PP2D1: variants seen among roughly 807,000 people sequenced by gnomAD.
PP2D1 encodes the protein protein phosphatase 2C-like domain-containing protein 1.
A neutral mutation model predicts 30.2 loss-of-function variants in PP2D1; 25 were observed. The ratio of observed to expected loss-of-function variants is 0.83; its 90% confidence interval spans 0.60 to 1.16. The LOEUF (loss-of-function observed/expected upper bound fraction) is 1.16. Among genes scored for constraint, PP2D1 ranks in the 50% most tolerant of loss-of-function variants. PP2D1 has a pLI of 0.00. For synonymous variants in PP2D1, 260 were observed against 258.9 expected, an observed-to-expected ratio of 1.00 and a Z score of -0.04; for missense variants, 760 against 742.4, an observed-to-expected ratio of 1.02 and a Z score of -0.28.
intron 1 of PP2D1, 60 bp from the exon 2 acceptor site, chr3:20,002,156 C>A: frequency 9.1e-7 from 1 of 1,101,078 alleles, no homozygotes; most frequent in Non-Finnish European, 1.3e-6. Flanking sequence ...TCTCTTCAAG[C>A]AGGCTGTTAT....
intron 1 of PP2D1, among the ~76,000 whole-genome samples, chr3:20,009,120 A>G (rs1282479465): frequency 6.6e-6 from 1 of 152,164 alleles, no homozygotes; most frequent in African/African-American, 2.4e-5. Context: ...TGTTGTGGTA[A>G]GTTGTTTATA....
At chr3:19,992,318 T>G (rs1413292474) in intron 2 of PP2D1, among the ~76,000 whole-genome samples, 1 of 152,024 alleles carries the variant, frequency 6.6e-6, no homozygotes, top group African/African-American at 2.4e-5. Flanking sequence ...CAGAATCAGG[T>G]TTGTAAGCAT....
chr3:19,981,370 G>A (rs1696923737), downstream of PP2D1, among the ~76,000 whole-genome samples: 1 of 152,114 alleles, frequency 6.6e-6, no homozygotes, highest in South Asian at 2.1e-4. Flanking sequence ...AGCACTTTGG[G>A]AGGCCAAGGC....
intron 1 of PP2D1, among the ~76,000 whole-genome samples, chr3:20,009,067 A>C (rs1379980358): frequency 6.6e-6 from 1 of 152,374 alleles, no homozygotes. Flanking sequence ...GGATTGTTTT[A>C]ACGACCTGTA....
chr3:19,989,558 G>A (rs866819645), intron 2 of PP2D1, among the ~76,000 whole-genome samples: 1 of 152,098 alleles, frequency 6.6e-6, no homozygotes, highest in African/African-American at 2.4e-5. Flanking sequence ...TTGATTATTC[G>A]ACTTAGATTT....
At chr3:20,002,467 A>G (rs780929289) in intron 1 of PP2D1, among the ~76,000 whole-genome samples, 2 of 152,232 alleles carry the variant, frequency 1.3e-5, no homozygotes, top group East Asian at 3.8e-4. Context: ...ATGATGGACC[A>G]TATGCAACGG....
chr3:20,010,929 A>C (rs745775329), intron 1 of PP2D1, among the ~76,000 whole-genome samples: 3 of 152,212 alleles, frequency 2.0e-5, no homozygotes, highest in Non-Finnish European at 4.4e-5. Context: ...TATGAGGGAA[A>C]AAGTTTGCAG....
At position 20,008,549 on chromosome 3, in the gene PP2D1, A is replaced by T. The variant is rs138913365; in HGVS notation, c.23+3501T>A. On this transcript the variant is annotated intron_variant, in intron 1 of 2. Coordinates refer to ENST00000389050, the MANE Select transcript of PP2D1 (RefSeq NM_001252657.2). ...GCCATTGCACTCCAGCCCGGGCAAC[A>T]AGAGTGAAACTCTGTCTCAAAACAA... Among the ~76,000 whole-genome samples the T allele has an allele frequency of 6.5e-4, 99 of 152,212 alleles. 1 individual carries two copies. In the East Asian group the frequency reaches 0.018, roughly 27 times the overall value.
At chr3:20,004,393 G>A (rs890622433) in intron 1 of PP2D1, among the ~76,000 whole-genome samples, 9 of 152,164 alleles carry the variant, frequency 5.9e-5, no homozygotes, top group Non-Finnish European at 1.2e-4. Context: ...TTCTCAGAAA[G>A]TATCCCCATC....
chr3:20,004,793 A>T (rs913946121), intron 1 of PP2D1, among the ~76,000 whole-genome samples: 2 of 152,170 alleles, frequency 1.3e-5, no homozygotes, highest in Non-Finnish European at 2.9e-5. Flanking sequence ...TTTGGTTACA[A>T]AATATTTTAA....
chr3:19,991,699 A>C (rs2125139514), intron 2 of PP2D1, among the ~76,000 whole-genome samples: 1 of 152,276 alleles, frequency 6.6e-6, no homozygotes, highest in African/African-American at 2.4e-5. Context: ...TTTCACCTGC[A>C]GTGTTGTCAA....
intron 2 of PP2D1, among the ~76,000 whole-genome samples, chr3:19,998,321 C>G (rs1697208536): frequency 6.7e-6 from 1 of 148,470 alleles, no homozygotes; most frequent in Non-Finnish European, 1.5e-5. Flanking sequence ...CAGAGTGAGA[C>G]TCCGTCTCAA....
At chr3:20,007,700 G>A (rs76282143) in intron 1 of PP2D1, among the ~76,000 whole-genome samples, 9,870 of 151,056 alleles carry the variant, frequency 0.065, 421 homozygotes, top group South Asian at 0.22. Flanking sequence ...CCCGGGAGGC[G>A]GAGGTGGTGG....
At chr3:20,000,922 A>G (rs1352048374) in intron 2 of PP2D1, 108 bp downstream of exon 2, 3 of 513,014 alleles carry the variant, frequency 5.8e-6, no homozygotes, top group African/African-American at 2.0e-5. Context: ...ATTTCTAGGT[A>G]CTAAGTCACT....
In PP2D1 at chr3:19,985,558, G is replaced by C. The variant is rs759365326; in HGVS notation, c.1715C>G (p.Thr572Ser). 55 of 1,536,054 alleles carry C rather than the reference G, an allele frequency of 3.6e-5. No individual in the cohort carries two copies. The highest frequency in any genetic ancestry group is 4.8e-5 in the Non-Finnish European group (55 of 1,146,870). The change falls in exon 3 of 3, where the codon ACT (threonine) becomes AGT (serine). Residue 572 changes from threonine to serine, a missense_variant. By Grantham distance (58) the Thr-to-Ser change is moderately conservative. Transcript: ENST00000389050. ...PCSEKVTDRP[T>S]SVNDVATNEK... Reference sequence around the variant, plus strand: ...ATTTGTTGCCACATCATTTACACTAGTTGGTCTGTCAGTTACTTTTTCACT... The same window carrying C: ...ATTTGTTGCCACATCATTTACACTACTTGGTCTGTCAGTTACTTTTTCACT...
chr3:20,001,902 A>G lies in PP2D1; in HGVS notation c.218T>C (p.Ile73Thr). The G allele has an allele frequency of 3.3e-6, 5 of 1,536,424 alleles. 1 individual carries two copies. The highest frequency in any genetic ancestry group is 3.3e-4 in the Middle Eastern group (2 of 5,990). ...TLPCSICKHE[I>T]DLTGIFLHKK... ...ATGGAGAAAAATACCAGTTAGGTCA[A>G]TTTCGTGCTTGCATATGGAACAGGG... The change falls in exon 2 of 3, where the codon ATT (isoleucine) becomes ACT (threonine). Residue 73 changes from isoleucine (I) to threonine (T), a missense_variant. Physicochemically the swap from Ile to Thr is moderately conservative, Grantham distance 89. Around this residue, in one of 3 missense-constraint regions of PP2D1, gnomAD observed 374 missense variants for 388.8 expected, o/e 0.96. Coordinates refer to ENST00000389050, the MANE Select transcript of PP2D1 (RefSeq NM_001252657.2).
chr3:19,980,555 C>T (rs147603051), downstream of PP2D1, among the ~76,000 whole-genome samples: 306 of 151,818 alleles, frequency 2.0e-3, no homozygotes, highest in African/African-American at 7.0e-3. Flanking sequence ...TAAAAAGTTA[C>T]TCGTTCTAGT....
At chr3:19,987,238 G>A (rs1342231447) in intron 2 of PP2D1, among the ~76,000 whole-genome samples, 2 of 151,950 alleles carry the variant, frequency 1.3e-5, no homozygotes, top group South Asian at 2.1e-4. Context: ...CAGATTGCAG[G>A]GTGGTTATAT....
intron 1 of PP2D1, among the ~76,000 whole-genome samples, chr3:20,002,672 C>A (rs1252138257): frequency 1.3e-5 from 2 of 152,218 alleles, no homozygotes; most frequent in African/African-American, 4.8e-5. Context: ...GTAATCCCAA[C>A]ACTTTGGGAG....
Sources: gnomAD v4.1 joint callset for allele counts (sites outside exome capture counted in the v4.1 genomes callset) on GRCh38, gnomAD v4.1.1 for gene constraint, gnomAD v4.1.1 regional missense constraint, MANE v1.5 for transcripts, NCBI Gene and HGNC (gene_info 2026-07-23, HGNC 2026-07-21) for gene names.